ZNF366: variants seen among roughly 807,000 people sequenced by gnomAD.
ZNF366 encodes dendritic cell-specific transcript protein.
A neutral mutation model predicts 47.2 loss-of-function variants in ZNF366; 20 were observed. That is an observed-to-expected ratio of 0.42 (90% CI 0.30 to 0.62). The LOEUF (loss-of-function observed/expected upper bound fraction) is 0.62, where lower values mean the gene tolerates loss of function less well. Ranked by LOEUF, ZNF366 falls within the 20% of genes least tolerant of loss-of-function variation. The probability of loss-of-function intolerance (pLI) is 0.16; values close to 1 mark genes in which losing one functional copy is unlikely to be tolerated. For synonymous variants in ZNF366, 421 were observed against 395.1 expected, an observed-to-expected ratio of 1.07 and a Z score of -0.78; for missense variants, 987 against 976.3, an observed-to-expected ratio of 1.01 and a Z score of -0.15.
intron 1 of ZNF366, among the ~76,000 whole-genome samples, chr5:72,465,781 C>T (rs747086972): frequency 6.6e-6 from 1 of 152,122 alleles, no homozygotes; most frequent in African/African-American, 2.4e-5. Context: ...AAAGCCGCTG[C>T]GTGTGGGATA....
chr5:72,458,608 T>C (rs1290263815), intron 2 of ZNF366, among the ~76,000 whole-genome samples: 4 of 152,142 alleles, frequency 2.6e-5, no homozygotes, highest in Non-Finnish European at 5.9e-5. Flanking sequence ...AAAGAGGAAG[T>C]GTTCACTGTA....
chr5:72,498,605 T>C (rs1744155985), intron 1 of ZNF366, among the ~76,000 whole-genome samples: 1 of 152,250 alleles, frequency 6.6e-6, no homozygotes, highest in Non-Finnish European at 1.5e-5. Context: ...TTCAAACTCT[T>C]TTTAACATCA....
At position 72,462,547 on chromosome 5, in the gene ZNF366, C is replaced by CTTTCTTTCTTTCTTTCTTTCTT. The variant is rs11275151; in HGVS notation, c.-14-1038_-14-1037insAAGAAAGAAAGAAAGAAAGAAA. 9.3e-4 allele frequency among the ~76,000 whole-genome samples: 73 copies of CTTTCTTTCTTTCTTTCTTTCTT among 78,914 alleles called. 1 individual carries two copies. The highest frequency in any genetic ancestry group is 2.0e-3 in the African/African-American group (34 of 16,746). The allele number at this position is 78,914 out of a possible 152,430, so 51.8% of individuals were successfully genotyped here. On this transcript the variant is annotated intron_variant, in intron 1 of 4. Transcript: ENST00000318442. Reference sequence around the variant, plus strand: ...TCTTTCTTTCTTTCTTTCTTTCTTTCTTTTTTTTTTTTTTTGGAGATGGAG... The same window carrying CTTTCTTTCTTTCTTTCTTTCTT: ...TCTTTCTTTCTTTCTTTCTTTCTTTCTTTCTTTCTTTCTTTCTTTCTTTTTTTTTTTTTTTTTGGAGATGGAG...
intron 3 of ZNF366, among the ~76,000 whole-genome samples, chr5:72,448,026 T>G (rs1340257561): frequency 1.3e-5 from 2 of 152,182 alleles, no homozygotes; most frequent in Non-Finnish European, 2.9e-5. Flanking sequence ...AACACAACTC[T>G]TCTGTATCAG....
At chr5:72,464,019 A>T (rs1484275527) in intron 1 of ZNF366, among the ~76,000 whole-genome samples, 2 of 152,220 alleles carry the variant, frequency 1.3e-5, no homozygotes, top group Non-Finnish European at 2.9e-5. Flanking sequence ...AGATTGGAAA[A>T]GTCTCTTCCA....
chr5:72,481,808 T>A (rs1197595410), intron 1 of ZNF366, among the ~76,000 whole-genome samples: 1 of 152,192 alleles, frequency 6.6e-6, no homozygotes, highest in East Asian at 1.9e-4. Context: ...CTGAGATAAC[T>A]CCCAATTCTT....
intron 1 of ZNF366, among the ~76,000 whole-genome samples, chr5:72,506,141 T>G (rs1199062839): frequency 6.6e-6 from 1 of 152,264 alleles, no homozygotes; most frequent in Non-Finnish European, 1.5e-5. Flanking sequence ...ATCTTATTCT[T>G]CACATCCCAG....
intron 1 of ZNF366, among the ~76,000 whole-genome samples, chr5:72,497,814 T>G (rs1561205902): frequency 6.6e-6 from 1 of 152,164 alleles, no homozygotes; most frequent in Non-Finnish European, 1.5e-5. Context: ...AAATAAAAAT[T>G]GGTATCTCAT....
chr5:72,492,698 C>A (rs575588280), intron 1 of ZNF366, among the ~76,000 whole-genome samples: 10 of 152,320 alleles, frequency 6.6e-5, no homozygotes, highest in Middle Eastern at 3.4e-3. Flanking sequence ...AAATTTTAAG[C>A]TAGCTAAACA....
chr5:72,467,998 A>C (rs149568367), intron 1 of ZNF366, among the ~76,000 whole-genome samples: 516 of 152,326 alleles, frequency 3.4e-3, no homozygotes, highest in Non-Finnish European at 5.3e-3. Context: ...CTGTTCATAC[A>C]AAAGATCTCC....
chr5:72,467,294 A>G (rs929662916), intron 1 of ZNF366, among the ~76,000 whole-genome samples: 18 of 152,228 alleles, frequency 1.2e-4, no homozygotes, highest in Non-Finnish European at 2.4e-4. Flanking sequence ...TCTGGGGCTC[A>G]GATAGCTTCC....
chr5:72,498,125 G>T (rs1489062896), intron 1 of ZNF366, among the ~76,000 whole-genome samples: 1 of 150,618 alleles, frequency 6.6e-6, no homozygotes, highest in African/African-American at 2.4e-5. Context: ...CCTACTCTGC[G>T]ATTCGAAAAA....
At chr5:72,487,388 T>C (rs561868601) in intron 1 of ZNF366, among the ~76,000 whole-genome samples, 20 of 152,350 alleles carry the variant, frequency 1.3e-4, no homozygotes, top group African/African-American at 3.8e-4. Context: ...TTTGTCTTTT[T>C]TAATGAATCA....
intron 1 of ZNF366, among the ~76,000 whole-genome samples, chr5:72,475,510 T>C (rs1449341056): frequency 1.3e-5 from 2 of 152,206 alleles, no homozygotes; most frequent in African/African-American, 4.8e-5. Flanking sequence ...TCCACATTTA[T>C]GAAACTCAAC....
chr5:72,457,011 T>C lies in ZNF366; in HGVS notation c.1333-416A>G, dbSNP rs1371344480. ...CAAAATGATATTATCATTTCCCTTA[T>C]GGAAACCAATGTTCTCTTGGGTTCT... On this transcript the variant is annotated intron_variant, in intron 2 of 4. Transcript: ENST00000318442. Among the ~76,000 whole-genome samples the C allele has an allele frequency of 3.3e-5, 5 of 152,326 alleles. No homozygotes were observed. The East Asian group carries it at 5.8e-4, about 18-fold the overall frequency.
chr5:72,453,400 T>TC (rs1399325916), intron 3 of ZNF366, among the ~76,000 whole-genome samples: 1 of 152,204 alleles, frequency 6.6e-6, no homozygotes, highest in Non-Finnish European at 1.5e-5. Flanking sequence ...TGGCTTGTAC[T>TC]CCAACACCAC....
At chr5:72,493,779 G>C (rs931646353) in intron 1 of ZNF366, 1 of 152,040 alleles carries the variant, frequency 6.6e-6, no homozygotes, top group Admixed American at 6.6e-5. Context: ...TCTTGAGGCG[G>C]AGTCTTGCTC....
chr5:72,460,520 C>A lies in ZNF366; in HGVS notation c.977G>T (p.Arg326Leu). ...CACCTCGCTGTGCTGCATCATGTGG[C>A]GCTTCAGGTGGCTGGTCTGGGTGAA... ...KAFTQTSHLK[R>L]HMMQHSEVKP... The change falls in exon 2 of 5, where the codon CGC becomes CTC. Residue 326 changes from arginine (R) to leucine (L), a missense_variant. Arg to Leu is a moderately radical substitution (Grantham distance 102, BLOSUM62 -2). This residue lies in a region of ZNF366 where 591 missense variants were observed against 560.9 expected (regional missense o/e 1.05). Coordinates refer to ENST00000318442, the MANE Select transcript of ZNF366 (RefSeq NM_152625.3). The A allele has an allele frequency of 1.9e-6, 3 of 1,614,020 alleles. No homozygotes were observed. The highest frequency in any genetic ancestry group is 2.5e-6 in the Non-Finnish European group (3 of 1,180,006).
At chr5:72,474,730 C>T (rs1394345883) in intron 1 of ZNF366, among the ~76,000 whole-genome samples, 1 of 151,960 alleles carries the variant, frequency 6.6e-6, no homozygotes, top group Non-Finnish European at 1.5e-5. Flanking sequence ...TTTGTGTGTG[C>T]ATTACATTAA....
Sources: gnomAD v4.1 joint callset for allele counts (sites outside exome capture counted in the v4.1 genomes callset) on GRCh38, gnomAD v4.1.1 for gene constraint, gnomAD v4.1.1 regional missense constraint, MANE v1.5 for transcripts, NCBI Gene and HGNC (gene_info 2026-07-23, HGNC 2026-07-21) for gene names.